Variants in TRIM33 observed in about 807,000 individuals in gnomAD.
TRIM33 encodes the protein tripartite motif containing 33.
Under a neutral mutation model 125.4 loss-of-function variants are expected in TRIM33, and 20 were observed. That is an observed-to-expected ratio of 0.16 (90% CI 0.11 to 0.23). TRIM33 has a LOEUF of 0.23. TRIM33 is among the 10% of genes least tolerant of loss of function. TRIM33 has a pLI of 1.00. For missense variants in TRIM33, 920 were observed against 1,411.4 expected (o/e 0.65, Z 5.58); for synonymous variants, 564 against 513.9 (o/e 1.10, Z -1.32).
intron 6 of TRIM33, among the ~76,000 whole-genome samples, chr1:114,429,397 T>A (rs901813763): frequency 6.6e-6 from 1 of 151,936 alleles, no homozygotes; most frequent in African/African-American, 2.4e-5. Context: ...TTCACCATGT[T>A]GGCCAAGCTG....
In TRIM33 at chr1:114,397,875, T is replaced by C. The variant is rs1315491827; in HGVS notation, c.3172-15A>G. The C allele has an allele frequency of 1.1e-5, 17 of 1,614,012 alleles. No homozygotes were observed. The East Asian group carries it at 3.3e-4, about 32-fold the overall frequency. ...TCTGAATCAGCCTGCAAGCAAAAGA[T>C]AGGAATATTCACCTATTGGTAATGC... is the stretch of plus-strand genomic sequence containing the variant. On this transcript the variant is annotated splice_polypyrimidine_tract_variant and intron_variant, in intron 19 of 19. Coordinates refer to ENST00000358465, the MANE Select transcript of TRIM33 (RefSeq NM_015906.4).
chr1:114,509,828 A>G (rs1172795696), intron 1 of TRIM33, among the ~76,000 whole-genome samples: 2 of 152,154 alleles, frequency 1.3e-5, no homozygotes, highest in African/African-American at 4.8e-5. Flanking sequence ...ACTTTATTCA[A>G]TCCTAGCACA....
At chr1:114,400,456 G>A (rs920719423) in intron 17 of TRIM33, among the ~76,000 whole-genome samples, 1 of 152,170 alleles carries the variant, frequency 6.6e-6, no homozygotes, top group African/African-American at 2.4e-5. Flanking sequence ...TGCCTGCCAG[G>A]CCTCCCAAAA....
intron 1 of TRIM33, among the ~76,000 whole-genome samples, chr1:114,469,736 G>A (rs1057179318): frequency 6.6e-6 from 1 of 152,168 alleles, no homozygotes; most frequent in Non-Finnish European, 1.5e-5. Flanking sequence ...TAGCATGAGC[G>A]TGGGGAACTG....
chr1:114,446,992 C>A (rs1388902586), intron 4 of TRIM33, among the ~76,000 whole-genome samples: 1 of 152,024 alleles, frequency 6.6e-6, no homozygotes, highest in Non-Finnish European at 1.5e-5. Flanking sequence ...TGAGAAGTAG[C>A]AAGAAAGCCA....
Position 114,397,743 on chromosome 1 carries a change from C to T in TRIM33, c.3289G>A (p.Asp1097Asn), listed in dbSNP as rs1190207786. Residue 1097 changes from aspartate to asparagine, a missense_variant, in exon 20 of 20, where the codon GAT becomes AAT. Asp to Asn is a conservative substitution (Grantham distance 23). This residue lies in a region of TRIM33 where 122 missense variants were observed against 236.8 expected (regional missense o/e 0.52). Coordinates refer to ENST00000358465, the MANE Select transcript of TRIM33 (RefSeq NM_015906.4). ...GAGTCCTCAGTTACCTCACCATCAT[C>T]CTCTTCCTGCTCAAACTCTGGCAAA... ...APLPEFEQEEDDGEVTEDSDE... is the reference protein window; with the variant it reads ...APLPEFEQEENDGEVTEDSDE... 6.2e-7 allele frequency: 1 copy of T among 1,613,790 alleles called. No homozygotes were observed.
chr1:114,410,099 T>C, intron 12 of TRIM33, 85 bp downstream of exon 12: 2 of 1,510,926 alleles, frequency 1.3e-6, no homozygotes, highest in Non-Finnish European at 1.8e-6. Context: ...ACTTATTCTG[T>C]TTTTCTGGAG....
chr1:114,464,665 C>G (rs1650181387), intron 1 of TRIM33, among the ~76,000 whole-genome samples: 1 of 152,166 alleles, frequency 6.6e-6, no homozygotes, highest in African/African-American at 2.4e-5. Context: ...AGATCCTGAT[C>G]TTCGGAAACT....
rs1473517505 is a variant in TRIM33, at chr1:114,462,956, CAT to C, written c.923+146_923+147del. 3 of 563,688 alleles carry C rather than the reference CAT, an allele frequency of 5.3e-6. No homozygotes were observed. In the African/African-American group the frequency reaches 5.9e-5, roughly 11 times the overall value. The allele number at this position is 563,688 out of a possible 1,614,324, so 34.9% of individuals were successfully genotyped here. ...GAAATCTTTAAATAATTTACCAAAA[CAT>C]ATATTGCTCAAGAAATTAAAATATG... On this transcript the variant is annotated intron_variant, in intron 4 of 19. Transcript: ENST00000358465.
chr1:114,501,019 T>C (rs1570679307), intron 1 of TRIM33, among the ~76,000 whole-genome samples: 1 of 79,704 alleles, frequency 1.3e-5, no homozygotes, highest in Non-Finnish European at 2.6e-5. Flanking sequence ...TAAAACCCCG[T>C]CTCTACTAAA....
rs967399241 is a variant in TRIM33, at chr1:114,395,466, C to T, written c.*2182G>A. On this transcript the variant is annotated 3_prime_UTR_variant, in exon 20 of 20. Coordinates refer to ENST00000358465, the MANE Select transcript of TRIM33 (RefSeq NM_015906.4). ...GAATCTATTTATGACTCATTATCTA[C>T]AATTTTTTTAAAAGGATCCATTTGA... The T allele has an allele frequency of 1.1e-5, 2 of 190,146 alleles. No homozygotes were observed. The highest frequency in any genetic ancestry group is 2.4e-5 in the African/African-American group (1 of 42,010). 11.8% of individuals were successfully genotyped at this position (190,146 alleles called of 1,614,324 possible).
chr1:114,504,928 C>T (rs1364972702), intron 1 of TRIM33, among the ~76,000 whole-genome samples: 1 of 152,134 alleles, frequency 6.6e-6, no homozygotes, highest in Non-Finnish European at 1.5e-5. Flanking sequence ...TTTCTGTTTG[C>T]TGTGAGATAC....
At chr1:114,468,645 GC>G in intron 1 of TRIM33, 1 of 428,322 alleles carries the variant, frequency 2.3e-6, no homozygotes, top group Non-Finnish European at 4.6e-6. Flanking sequence ...TCAAGAACCA[GC>G]TGAACCAGAG....
At chr1:114,410,072 C>T (rs1652482731) in intron 12 of TRIM33, 112 bp downstream of exon 12, 3 of 1,303,290 alleles carry the variant, frequency 2.3e-6, no homozygotes, top group Non-Finnish European at 3.3e-6. Context: ...CCCTTTCTCT[C>T]TTCAAGTAGA....
At chr1:114,474,157 T>C (rs538714558) in intron 1 of TRIM33, among the ~76,000 whole-genome samples, 1 of 151,946 alleles carries the variant, frequency 6.6e-6, no homozygotes, top group South Asian at 2.1e-4. Flanking sequence ...CGCTTCAACC[T>C]CCCAAAGTGC....
At chr1:114,443,582 T>C (rs762363873) in intron 4 of TRIM33, among the ~76,000 whole-genome samples, 13 of 152,322 alleles carry the variant, frequency 8.5e-5, no homozygotes, top group South Asian at 4.1e-4. Flanking sequence ...ACCTCACTTA[T>C]ATCATTCAAG....
chr1:114,506,099 C>T (rs1161707402), intron 1 of TRIM33, among the ~76,000 whole-genome samples: 2 of 151,922 alleles, frequency 1.3e-5, no homozygotes, highest in African/African-American at 2.4e-5. Context: ...ACAGCAGAAC[C>T]GAGGCCAGGT....
intron 9 of TRIM33, among the ~76,000 whole-genome samples, chr1:114,425,071 G>A (rs1647472745): frequency 6.6e-6 from 1 of 152,094 alleles, no homozygotes; most frequent in African/African-American, 2.4e-5. Context: ...AGTGGAGAGA[G>A]CAAAAGACAC....
chr1:114,433,614 T>C lies in TRIM33; in HGVS notation c.1040+3A>G. The stretch of plus-strand genomic sequence containing the variant: ...AATTATGGTTTTAAGGCAACAAACT[T>C]ACCTATTCTGCACCTGAGTAGCTGC... On this transcript the variant is annotated splice_donor_region_variant and intron_variant, in intron 5 of 19. Transcript: ENST00000358465. 1 of 1,573,266 alleles carries C rather than the reference T, an allele frequency of 6.4e-7. No individual in the cohort carries two copies.
Sources: allele counts gnomAD v4.1 joint callset (sites outside exome capture counted in the v4.1 genomes callset), GRCh38; gene constraint gnomAD v4.1.1; regional missense constraint gnomAD v4.1.1; transcripts MANE v1.5; gene names NCBI Gene and HGNC (gene_info 2026-07-23, HGNC 2026-07-21).